TESMIN: variants seen among roughly 807,000 people sequenced by gnomAD.
TESMIN encodes the protein testis expressed metallothionein like protein.
TESMIN carries 34 observed loss-of-function variants against 47.4 expected under a neutral mutation model. That is an observed-to-expected ratio of 0.72 (90% CI 0.55 to 0.96). The LOEUF (loss-of-function observed/expected upper bound fraction) is 0.96, where lower values mean the gene tolerates loss of function less well. Ranked by LOEUF, TESMIN falls within the 40% of genes least tolerant of loss-of-function variation. The pLI, the probability that TESMIN is intolerant of heterozygous loss-of-function variation, is 0.00. For synonymous variants in TESMIN, 278 were observed against 258.9 expected, an observed-to-expected ratio of 1.07 and a Z score of -0.71; for missense variants, 610 against 637.2, an observed-to-expected ratio of 0.96 and a Z score of 0.46.
rs1230534488 is a variant in TESMIN at position 68,715,846 on chromosome 11, T to C, written c.1011A>G (p.Lys337=). 6.2e-7 allele frequency: 1 copy of C among 1,600,370 alleles called. No individual in the cohort carries two copies. ...NNLHHDIERF[K]AIKACLGRNP... is the part of the protein sequence containing the mutation. ...AATGGACATTTATTACCTTAATGGC[T>C]TTAAACCGTTCAATATCATGATGCA... The change falls in exon 7 of 10, where the codon AAA becomes AAG. Residue 337 remains lysine, a synonymous_variant. Coordinates refer to ENST00000255087, the MANE Select transcript of TESMIN (RefSeq NM_004923.3).
chr11:68,729,523 C>CAAA (rs35489556), intron 6 of TESMIN, among the ~76,000 whole-genome samples: 4 of 103,530 alleles, frequency 3.9e-5, no homozygotes, highest in African/African-American at 3.5e-5. Context: ...GACTCTGTCT[C>CAAA]AAAAAAAAAA....
At chr11:68,726,382 G>A (rs1946264581) in intron 6 of TESMIN, among the ~76,000 whole-genome samples, 1 of 152,070 alleles carries the variant, frequency 6.6e-6, no homozygotes, top group Non-Finnish European at 1.5e-5. Flanking sequence ...GCTCCAAGTG[G>A]AAGCAAACAA....
chr11:68,714,856 G>T lies in TESMIN; in HGVS notation c.1020+981C>A, dbSNP rs146307593. Among the ~76,000 whole-genome samples the T allele has an allele frequency of 3.1e-3, 472 of 152,294 alleles. 2 individuals are homozygous for T. Among genetic ancestry groups the T allele is most frequent in the African/African-American group, 0.011 (453 of 41,562 alleles). ...TGTCAAACAGTTTCCCGAAGTGGTTGTGCCCCTTTATATGCCTATCAGCAA... is the reference window on the plus strand; with the variant it reads ...TGTCAAACAGTTTCCCGAAGTGGTTTTGCCCCTTTATATGCCTATCAGCAA... On this transcript the variant is annotated intron_variant, in intron 7 of 9. Transcript: ENST00000255087.
In TESMIN at chr11:68,750,475, G is replaced by A. The variant is rs1230352419; in HGVS notation, c.186C>T (p.Pro62=). 1.2e-6 allele frequency: 2 copies of A among 1,601,044 alleles called. No homozygotes were observed. The highest frequency in any genetic ancestry group is 1.7e-6 in the Non-Finnish European group (2 of 1,174,418). Residue 62 remains proline, a synonymous_variant, in exon 2 of 10, where the codon CCC becomes CCT. Coordinates refer to ENST00000255087, the MANE Select transcript of TESMIN (RefSeq NM_004923.3). ...AYLGPADPKE[P]VLHAFNPALG... ...GCGCGGGGTTGAACGCGTGCAGGAC[G>A]GGTTCCTTGGGGTCCGCCGGGCCCA...
At chr11:68,716,067 C>G (rs113538539) in intron 6 of TESMIN, 128 bp from the exon 7 acceptor site, 8 of 628,852 alleles carry the variant, frequency 1.3e-5, no homozygotes, top group African/African-American at 7.3e-5. Flanking sequence ...CTTTCATAGA[C>G]GGCTCAGACT....
At chr11:68,736,618 G>A in intron 6 of TESMIN, 2 of 985,106 alleles carry the variant, frequency 2.0e-6, no homozygotes, top group Non-Finnish European at 2.4e-6. Flanking sequence ...AAGTAATTAT[G>A]TGCATAAAAA....
chr11:68,726,999 T>G (rs186409146), intron 6 of TESMIN, among the ~76,000 whole-genome samples: 2 of 152,014 alleles, frequency 1.3e-5, no homozygotes, highest in African/African-American at 4.8e-5. Flanking sequence ...CAAGGCTGCA[T>G]TGAGCTATGA....
intron 2 of TESMIN, among the ~76,000 whole-genome samples, chr11:68,748,475 G>A (rs1271466742): frequency 1.3e-5 from 2 of 152,192 alleles, no homozygotes; most frequent in Non-Finnish European, 2.9e-5. Context: ...TTATCTCCCT[G>A]TAATCAACAA....
At chr11:68,714,124 T>C (rs576451471) in intron 7 of TESMIN, among the ~76,000 whole-genome samples, 11 of 152,182 alleles carry the variant, frequency 7.2e-5, no homozygotes, top group Non-Finnish European at 1.6e-4. Context: ...TTTGTAAAAA[T>C]TCAAATACAG....
At chr11:68,704,952 G>A (rs1945984824), downstream of TESMIN, among the ~76,000 whole-genome samples, 1 of 152,164 alleles carries the variant, frequency 6.6e-6, no homozygotes, top group South Asian at 2.1e-4. Context: ...AGTTTTATCG[G>A]TGGCTGGGGC....
intron 6 of TESMIN, among the ~76,000 whole-genome samples, chr11:68,720,090 G>A (rs1474197965): frequency 4.6e-5 from 7 of 152,146 alleles, no homozygotes; most frequent in East Asian, 1.9e-4. Context: ...TAGAAATAAT[G>A]GGAAACAGCA....
intron 4 of TESMIN, among the ~76,000 whole-genome samples, chr11:68,744,635 C>G (rs1376253974): frequency 6.6e-6 from 1 of 152,206 alleles, no homozygotes; most frequent in African/African-American, 2.4e-5. Flanking sequence ...GTCAACCCAT[C>G]AGGTCAGTCT....
chr11:68,734,275 G>A (rs1427928797), intron 6 of TESMIN, among the ~76,000 whole-genome samples: 1 of 152,092 alleles, frequency 6.6e-6, no homozygotes, highest in Non-Finnish European at 1.5e-5. Context: ...ACTGCATTTG[G>A]CGATTAGCTC....
intron 6 of TESMIN, among the ~76,000 whole-genome samples, chr11:68,722,764 A>G (rs370830372): frequency 6.6e-5 from 10 of 152,348 alleles, no homozygotes; most frequent in East Asian, 5.8e-4. Flanking sequence ...AACATGGTGC[A>G]GCAACATTAC....
chr11:68,751,254 G>A (rs1226969914), intron 1 of TESMIN, among the ~76,000 whole-genome samples, 166 bp downstream of exon 1: 2 of 145,336 alleles, frequency 1.4e-5, no homozygotes, highest in Admixed American at 6.8e-5. Context: ...GCCAGGGGAG[G>A]GGGGGCCAGG....
At chr11:68,735,238 G>C (rs1015628155) in intron 6 of TESMIN, among the ~76,000 whole-genome samples, 2 of 152,164 alleles carry the variant, frequency 1.3e-5, no homozygotes, top group Non-Finnish European at 2.9e-5. Flanking sequence ...CCTGTTCAGA[G>C]GGGGGGCTCT....
chr11:68,730,744 G>A (rs1346526458), intron 6 of TESMIN, among the ~76,000 whole-genome samples: 2 of 148,266 alleles, frequency 1.3e-5, no homozygotes, highest in Non-Finnish European at 3.0e-5. Flanking sequence ...GCAGTGAGCC[G>A]AGATCACACC....
At chr11:68,732,262 C>T (rs971097923) in intron 6 of TESMIN, among the ~76,000 whole-genome samples, 6 of 152,234 alleles carry the variant, frequency 3.9e-5, no homozygotes, top group African/African-American at 1.4e-4. Flanking sequence ...TTCTTTCTTA[C>T]ATGTGTCGGT....
chr11:68,737,453 A>G (rs1946400239), intron 6 of TESMIN: 1 of 985,596 alleles, frequency 1.0e-6, no homozygotes. Context: ...CTTTCATTCC[A>G]GCCCCAAACC....
Sources: allele counts gnomAD v4.1 joint callset (sites outside exome capture counted in the v4.1 genomes callset), GRCh38; gene constraint gnomAD v4.1.1; transcripts MANE v1.5; gene names NCBI Gene and HGNC (gene_info 2026-07-23, HGNC 2026-07-21).